Variants in C3orf33 observed in about 807,000 individuals in gnomAD.
C3orf33 encodes the protein AP-1 activity suppressor.
Under a neutral mutation model 28.7 loss-of-function variants are expected in C3orf33, and 23 were observed. The ratio of observed to expected loss-of-function variants is 0.80; its 90% CI spans 0.58 to 1.13. C3orf33 has a LOEUF of 1.13. C3orf33 is among the 50% of genes most tolerant of loss of function. The probability of loss-of-function intolerance (pLI) is 0.00; values close to 1 mark genes in which losing one functional copy is unlikely to be tolerated. For synonymous variants in C3orf33, 119 were observed against 120.5 expected (o/e 0.99, Z 0.08); for missense variants, 327 against 353.4 (o/e 0.93, Z 0.60).
chr3:155,803,414 A>T (rs1398496721), intron 1 of C3orf33, among the ~76,000 whole-genome samples: 1 of 151,710 alleles, frequency 6.6e-6, no homozygotes, highest in Non-Finnish European at 1.5e-5. Flanking sequence ...AAATACAAAA[A>T]ATTAGCCGGG....
intron 2 of C3orf33, among the ~76,000 whole-genome samples, chr3:155,792,886 CAG>C (rs1751357199): frequency 6.6e-6 from 1 of 151,904 alleles, no homozygotes; most frequent in African/African-American, 2.4e-5. Flanking sequence ...GAAAAAGAGG[CAG>C]AGAGATAGGG....
chr3:155,777,139 A>C (rs999266826), intron 2 of C3orf33, among the ~76,000 whole-genome samples: 1 of 151,788 alleles, frequency 6.6e-6, no homozygotes, highest in African/African-American at 2.4e-5. Flanking sequence ...ACATGGAGAA[A>C]CCTCATCTCT....
intron 3 of C3orf33, among the ~76,000 whole-genome samples, chr3:155,771,019 G>C (rs1339513094): frequency 2.7e-5 from 1 of 37,078 alleles, no homozygotes; most frequent in Non-Finnish European, 8.7e-5. Flanking sequence ...CTCTGCCACT[G>C]TGTGTGTGTG....
At chr3:155,780,023 G>A (rs1445907134) in intron 2 of C3orf33, among the ~76,000 whole-genome samples, 5 of 152,126 alleles carry the variant, frequency 3.3e-5, no homozygotes, top group East Asian at 3.9e-4. Context: ...TTTGGAAGAC[G>A]AACAAAAAAT....
chr3:155,771,095 AGTGT>A (rs369176697), intron 3 of C3orf33, among the ~76,000 whole-genome samples: 1 of 140,868 alleles, frequency 7.1e-6, no homozygotes, highest in African/African-American at 2.7e-5. Context: ...GCTGGAGGAC[AGTGT>A]GTGTGTGTGT....
chr3:155,788,192 A>G (rs1401476679), intron 2 of C3orf33, among the ~76,000 whole-genome samples: 1 of 150,860 alleles, frequency 6.6e-6, no homozygotes, highest in African/African-American at 2.4e-5. Flanking sequence ...CTCCGTCTCA[A>G]AAAAAAAAAG....
At chr3:155,767,465 TAAG>T (rs1220106332) in intron 4 of C3orf33, 41 bp downstream of exon 4, 2 of 1,351,128 alleles carry the variant, frequency 1.5e-6, no homozygotes, top group Admixed American at 5.5e-5. Context: ...ATATAAGTAA[TAAG>T]AAGAATAAGA....
chr3:155,783,050 T>C (rs909504100), intron 2 of C3orf33, among the ~76,000 whole-genome samples: 1 of 152,206 alleles, frequency 6.6e-6, no homozygotes, highest in Non-Finnish European at 1.5e-5. Flanking sequence ...TTTGTTATTG[T>C]TCTTGTTTAA....
At chr3:155,789,615 C>A in intron 2 of C3orf33, among the ~76,000 whole-genome samples, 1 of 151,604 alleles carries the variant, frequency 6.6e-6, no homozygotes, top group Non-Finnish European at 1.5e-5. Context: ...ATAGGAAAAT[C>A]CATCCTCAAA....
chr3:155,777,292 C>G (rs531440415), intron 2 of C3orf33, among the ~76,000 whole-genome samples: 216 of 149,816 alleles, frequency 1.4e-3, no homozygotes, highest in African/African-American at 5.1e-3. Context: ...CCAGCCTGGG[C>G]AACAAGAGCG....
At chr3:155,764,810 C>T (rs1208015144) in intron 4 of C3orf33, among the ~76,000 whole-genome samples, 1 of 150,942 alleles carries the variant, frequency 6.6e-6, no homozygotes, top group East Asian at 2.0e-4. Flanking sequence ...GAGCCGAGAT[C>T]ACACCACTGC....
intron 2 of C3orf33, among the ~76,000 whole-genome samples, chr3:155,781,594 C>G (rs984471092): frequency 5.9e-5 from 9 of 151,266 alleles, no homozygotes; most frequent in Non-Finnish European, 5.9e-5. Context: ...ACGGTGAAAC[C>G]CCATCTCTAC....
At chr3:155,799,707 A>G (rs1023547472) in intron 2 of C3orf33, among the ~76,000 whole-genome samples, 1 of 152,130 alleles carries the variant, frequency 6.6e-6, no homozygotes, top group African/African-American at 2.4e-5. Flanking sequence ...AAAAGAAAAT[A>G]TGGTACATAT....
chr3:155,794,825 T>C (rs1419028656), intron 2 of C3orf33, among the ~76,000 whole-genome samples: 1 of 152,198 alleles, frequency 6.6e-6, no homozygotes, highest in Non-Finnish European at 1.5e-5. Context: ...GGTCATTATA[T>C]AATGATAAAG....
chr3:155,791,465 T>C (rs924903884), intron 2 of C3orf33, among the ~76,000 whole-genome samples: 9 of 152,076 alleles, frequency 5.9e-5, no homozygotes, highest in African/African-American at 2.2e-4. Flanking sequence ...TAAGGGGACA[T>C]TGTTATGCAG....
At chr3:155,768,592 G>A (rs1259895707) in intron 3 of C3orf33, among the ~76,000 whole-genome samples, 1 of 151,830 alleles carries the variant, frequency 6.6e-6, no homozygotes, top group African/African-American at 2.4e-5. Flanking sequence ...GATAACAGCT[G>A]ACAAAAAAAA....
chr3:155,801,517 C>T (rs1751648865), intron 2 of C3orf33, among the ~76,000 whole-genome samples: 2 of 152,050 alleles, frequency 1.3e-5, no homozygotes, highest in Admixed American at 6.6e-5. Flanking sequence ...GTGATATACA[C>T]TTACAATGGA....
At chr3:155,775,985 A>C (rs1351357380) in intron 2 of C3orf33, 137 bp from the exon 3 acceptor site, 2 of 594,472 alleles carry the variant, frequency 3.4e-6, no homozygotes, top group African/African-American at 3.9e-5. Context: ...ATTTTATATT[A>C]CTTTAATATG....
At chr3:155,777,049 G>A (rs1034324501) in intron 2 of C3orf33, among the ~76,000 whole-genome samples, 1 of 152,068 alleles carries the variant, frequency 6.6e-6, no homozygotes, top group East Asian at 1.9e-4. Context: ...CGGGCATGGT[G>A]GCTCATGCCT....
Sources: allele counts gnomAD v4.1 joint callset (sites outside exome capture counted in the v4.1 genomes callset), GRCh38; gene constraint gnomAD v4.1.1; transcripts MANE v1.5; gene names NCBI Gene and HGNC (gene_info 2026-07-23, HGNC 2026-07-21).